The following TNRC6B variants were observed in gnomAD, a reference collection of about 807,000 sequenced individuals.
TNRC6B encodes the protein trinucleotide repeat-containing gene 6B protein.
In TNRC6B, 52 loss-of-function variants were observed where a neutral mutation model predicts 203.6. That is an observed-to-expected ratio of 0.26 (90% confidence interval 0.20 to 0.32). The LOEUF is 0.32. Ranked by LOEUF, TNRC6B falls within the 10% of genes least tolerant of loss-of-function variation. The pLI is 1.00. For synonymous variants in TNRC6B, 838 were observed against 845.7 expected (o/e 0.99, Z 0.16); for missense variants, 1,923 against 2,286.2 (o/e 0.84, Z 3.24).
chr22:40,318,703 G>A (rs1164225916), intron 21 of TNRC6B, among the ~76,000 whole-genome samples: 3 of 152,098 alleles, frequency 2.0e-5, no homozygotes, highest in South Asian at 2.1e-4. Flanking sequence ...ATGAGATTGA[G>A]AGAAGCAGTA....
intron 1 of TNRC6B, among the ~76,000 whole-genome samples, chr22:40,192,237 T>A (rs2069284046): frequency 6.6e-6 from 1 of 152,172 alleles, no homozygotes; most frequent in Admixed American, 6.5e-5. Flanking sequence ...CTCCACTGAT[T>A]TTCATGTTAA....
chr22:40,106,462 T>G (rs1203187639), intron 1 of TNRC6B: 1 of 778,060 alleles, frequency 1.3e-6, no homozygotes, highest in Non-Finnish European at 2.3e-6. Flanking sequence ...TTTGCTTCTT[T>G]GAAGCATTTT....
In TNRC6B at chr22:40,190,400, G is replaced by C. The variant is rs184417264; in HGVS notation, c.5+12260G>C. ...GGAGGTTATGTAAAATGGCAAGTAG[G>C]TTATAAAACTTACATATCTGTGTTA... On this transcript the variant is annotated intron_variant, in intron 1 of 22. Transcript: ENST00000454349. Among the ~76,000 whole-genome samples the C allele has an allele frequency of 2.5e-3, 383 of 152,200 alleles. 2 individuals carry two copies. Among genetic ancestry groups the C allele is most frequent in the African/African-American group, 8.1e-3 (335 of 41,508 alleles).
At position 40,264,541 on chromosome 22, in the gene TNRC6B, A is replaced by T. The variant is rs1028735438; in HGVS notation, c.458-147A>T. ...AAATGAAAAAAAAGAGATGACTAAG[A>T]CAGTTGTGATACAAGCAACTGGGTT... On this transcript the variant is annotated intron_variant, in intron 4 of 22. Coordinates refer to ENST00000454349, the MANE Select transcript of TNRC6B (RefSeq NM_001162501.2). 3.7e-6 allele frequency: 3 copies of T among 817,426 alleles called. No homozygotes were observed. In the African/African-American group the frequency reaches 5.2e-5, roughly 14 times the overall value. The allele number at this position is 817,426 out of a possible 1,614,324, so 50.6% of individuals were successfully genotyped here.
At chr22:40,114,161 C>G (rs1242610049) in intron 1 of TNRC6B, among the ~76,000 whole-genome samples, 3 of 151,862 alleles carry the variant, frequency 2.0e-5, no homozygotes, top group Non-Finnish European at 4.4e-5. Flanking sequence ...AAATTAAAAC[C>G]CTGCCATACT....
intron 1 of TNRC6B, among the ~76,000 whole-genome samples, chr22:40,100,061 AT>A (rs1569260008): frequency 8.9e-6 from 1 of 112,068 alleles, no homozygotes; most frequent in African/African-American, 4.0e-5. Flanking sequence ...CCTCCATTTT[AT>A]TTTTATTATT....
intron 1 of TNRC6B, among the ~76,000 whole-genome samples, chr22:40,048,718 A>C (rs145618042): frequency 2.5e-3 from 383 of 152,296 alleles, no homozygotes; most frequent in African/African-American, 9.0e-3. Context: ...TTCACACATG[A>C]ATGTACACAG....
At chr22:40,132,740 G>A (rs1167712148) in intron 3 of TNRC6B, among the ~76,000 whole-genome samples, 2 of 148,822 alleles carry the variant, frequency 1.3e-5, no homozygotes, top group Admixed American at 6.8e-5. Context: ...TCAGGAGATC[G>A]AGACCATCCT....
intron 1 of TNRC6B, among the ~76,000 whole-genome samples, chr22:40,181,750 G>A (rs755567706): frequency 6.6e-6 from 1 of 151,664 alleles, no homozygotes; most frequent in Non-Finnish European, 1.5e-5. Flanking sequence ...GACCAGCCTG[G>A]GCAACATGGC....
At chr22:40,053,459 A>G (rs891563497) in intron 1 of TNRC6B, among the ~76,000 whole-genome samples, 9 of 148,824 alleles carry the variant, frequency 6.0e-5, no homozygotes, top group Non-Finnish European at 1.3e-4. Flanking sequence ...AATGACTGAA[A>G]ATTCAAAAAC....
At chr22:40,094,418 T>C (rs987623047) in intron 1 of TNRC6B, among the ~76,000 whole-genome samples, 2 of 152,198 alleles carry the variant, frequency 1.3e-5, no homozygotes, top group African/African-American at 4.8e-5. Flanking sequence ...TGATGAAATA[T>C]AGTATTTTGA....
chr22:40,110,451 G>A (rs1484658632), intron 1 of TNRC6B, among the ~76,000 whole-genome samples: 1 of 152,190 alleles, frequency 6.6e-6, no homozygotes, highest in Non-Finnish European at 1.5e-5. Context: ...GTAACCCTCG[G>A]TGAATTCCCT....
chr22:40,224,506 AT>A (rs906746909), intron 1 of TNRC6B, among the ~76,000 whole-genome samples: 14 of 151,910 alleles, frequency 9.2e-5, no homozygotes, highest in Non-Finnish European at 8.8e-5. Flanking sequence ...ATAAATGCTG[AT>A]TTTTTTCCCC....
intron 2 of TNRC6B, among the ~76,000 whole-genome samples, chr22:40,123,525 C>G (rs1360415170): frequency 6.6e-6 from 1 of 152,196 alleles, no homozygotes; most frequent in East Asian, 1.9e-4. Context: ...TCAGTGCCTC[C>G]CACTGGCTTA....
In TNRC6B at chr22:40,270,197, G is replaced by C. The variant is rs749296048; in HGVS notation, c.2882G>C (p.Gly961Ala). 7.0e-6 allele frequency: 11 copies of C among 1,565,576 alleles called. No individual in the cohort carries two copies. In the South Asian group the frequency reaches 1.2e-4, roughly 17 times the overall value. ...GGTGAGCCAAATGAAAGCAGTCCTG[G>C]GTGGGGCGAGATGGATGATACAGGA... Reference protein sequence around the residue: ...AWGEPNESSPGWGEMDDTGAS... With the variant: ...AWGEPNESSPAWGEMDDTGAS... Residue 961 changes from glycine (G) to alanine (A), a missense_variant, in exon 6 of 23, where the codon GGG becomes GCG. Gly to Ala is a moderately conservative substitution (Grantham distance 60). Transcript: ENST00000454349.
At chr22:40,179,117 T>G (rs2069101932) in intron 1 of TNRC6B, among the ~76,000 whole-genome samples, 1 of 152,234 alleles carries the variant, frequency 6.6e-6, no homozygotes, top group African/African-American at 2.4e-5. Context: ...AGTAGCAGTC[T>G]ATGTGATTGT....
chr22:40,301,553 C>G (rs940705168), intron 15 of TNRC6B: 1 of 551,864 alleles, frequency 1.8e-6, no homozygotes, highest in Non-Finnish European at 3.2e-6. Context: ...AGGCCTCTAA[C>G]TTCTCTGGCT....
At chr22:40,320,254 A>G (rs2071317692) in intron 21 of TNRC6B, among the ~76,000 whole-genome samples, 1 of 152,076 alleles carries the variant, frequency 6.6e-6, no homozygotes, top group South Asian at 2.1e-4. Context: ...GGCTGAGGCG[A>G]GTGGATCACA....
intron 21 of TNRC6B, among the ~76,000 whole-genome samples, chr22:40,318,698 A>AT (rs1421829147): frequency 6.6e-6 from 1 of 152,030 alleles, no homozygotes; most frequent in Non-Finnish European, 1.5e-5. Flanking sequence ...TTATGATGAG[A>AT]TTGAGAGAAG....
Sources: allele counts gnomAD v4.1 joint callset (sites outside exome capture counted in the v4.1 genomes callset), GRCh38; gene constraint gnomAD v4.1.1; transcripts MANE v1.5; gene names NCBI Gene and HGNC (gene_info 2026-07-23, HGNC 2026-07-21).